The following KCNS3 variants were observed in gnomAD, a reference collection of about 807,000 sequenced individuals.
KCNS3 encodes the protein potassium voltage-gated channel modifier subfamily S member 3.
Under a neutral mutation model 31.0 loss-of-function variants are expected in KCNS3, and 13 were observed. The observed-to-expected ratio is 0.42, with a 90% CI of 0.27 to 0.67. The LOEUF is 0.67. Ranked by LOEUF, KCNS3 falls within the 30% of genes least tolerant of loss-of-function variation. The pLI, the probability that KCNS3 is intolerant of heterozygous loss-of-function variation, is 0.25. For missense variants in KCNS3, 545 were observed against 622.4 expected (o/e 0.88, Z 1.32); for synonymous variants, 238 against 241.5 (o/e 0.99, Z 0.13).
In KCNS3 at chr2:17,932,050, G is replaced by A. The variant is rs1294639750; in HGVS notation, c.1042G>A (p.Asp348Asn). 6.2e-7 allele frequency: 1 copy of A among 1,614,016 alleles called. No individual in the cohort carries two copies. The highest frequency in any genetic ancestry group is 8.5e-7 in the Non-Finnish European group (1 of 1,180,032). Residue 348 changes from aspartate to asparagine, a missense_variant, in exon 3 of 3, where the codon GAT (aspartate) becomes AAT (asparagine). Physicochemically the swap from Asp to Asn is conservative, Grantham distance 23. Coordinates refer to ENST00000304101, the MANE Select transcript of KCNS3 (RefSeq NM_002252.5). ...FSVLIYSVEKDDHTSSLTSIP... is the reference protein window; with the variant it reads ...FSVLIYSVEKNDHTSSLTSIP... ...TGTGCTTATCTACTCCGTGGAGAAA[G>A]ATGACCACACATCCAGCCTCACCAG...
At chr2:17,907,836 G>T (rs1332199813) in intron 1 of KCNS3, among the ~76,000 whole-genome samples, 1 of 152,342 alleles carries the variant, frequency 6.6e-6, no homozygotes, top group South Asian at 2.1e-4. Context: ...TCCGCTGTTA[G>T]TCTGATGGGT....
intron 1 of KCNS3, among the ~76,000 whole-genome samples, chr2:17,897,987 A>T (rs1662070515): frequency 6.6e-6 from 1 of 152,148 alleles, no homozygotes; most frequent in African/African-American, 2.4e-5. Flanking sequence ...CATGGTTATA[A>T]GTAGGGGTTC....
chr2:17,910,874 G>T (rs1662457253), intron 1 of KCNS3, among the ~76,000 whole-genome samples: 1 of 152,120 alleles, frequency 6.6e-6, no homozygotes, highest in Non-Finnish European at 1.5e-5. Context: ...TATTTTAAAA[G>T]AAATAATCTG....
chr2:17,880,940 T>C (rs966733549), intron 1 of KCNS3, among the ~76,000 whole-genome samples: 1 of 152,232 alleles, frequency 6.6e-6, no homozygotes, highest in Non-Finnish European at 1.5e-5. Context: ...TTGGAATGTG[T>C]GTCAGCTTTG....
chr2:17,895,165 G>T (rs898119534), intron 1 of KCNS3, among the ~76,000 whole-genome samples: 3 of 152,084 alleles, frequency 2.0e-5, no homozygotes, highest in Non-Finnish European at 2.9e-5. Flanking sequence ...TGGTCTAGAT[G>T]CTATATAAAC....
chr2:17,891,582 ATTTAGAGCTCCTTTTAGCAGT>A (rs1348079699), intron 1 of KCNS3, among the ~76,000 whole-genome samples: 1 of 152,200 alleles, frequency 6.6e-6, no homozygotes, highest in African/African-American at 2.4e-5. Flanking sequence ...TTGTTTCAAG[ATTTAGAGCTCCTTTTAGCAGT>A]TCTTATAGTG....
chr2:17,879,632 G>C (rs1046561384), intron 1 of KCNS3, among the ~76,000 whole-genome samples: 1 of 152,152 alleles, frequency 6.6e-6, no homozygotes, highest in East Asian at 1.9e-4. Flanking sequence ...GGGCCGCGGC[G>C]AGCCTGGCTG....
intron 1 of KCNS3, among the ~76,000 whole-genome samples, chr2:17,899,423 CATCTATCT>C (rs71950354): frequency 2.6e-5 from 4 of 151,550 alleles, no homozygotes; most frequent in African/African-American, 7.3e-5. Flanking sequence ...TGCTGTCAGT[CATCTATCT>C]ATCTATCATC....
intron 2 of KCNS3, among the ~76,000 whole-genome samples, chr2:17,929,317 G>A (rs1662903955): frequency 6.6e-6 from 1 of 152,176 alleles, no homozygotes; most frequent in Non-Finnish European, 1.5e-5. Context: ...GCATGGCTGG[G>A]GAGGCCTCAG....
At chr2:17,907,903 C>T (rs1033144158) in intron 1 of KCNS3, among the ~76,000 whole-genome samples, 2 of 152,178 alleles carry the variant, frequency 1.3e-5, no homozygotes, top group Non-Finnish European at 2.9e-5. Context: ...TTTTTTCCTT[C>T]ATTTCAACTT....
At chr2:17,889,463 T>C (rs1408273857) in intron 1 of KCNS3, among the ~76,000 whole-genome samples, 1 of 152,198 alleles carries the variant, frequency 6.6e-6, no homozygotes, top group Non-Finnish European at 1.5e-5. Flanking sequence ...TCCACTACTA[T>C]GTTGAAGAGG....
intron 2 of KCNS3, among the ~76,000 whole-genome samples, chr2:17,925,938 G>A (rs894671128): frequency 6.6e-6 from 1 of 152,212 alleles, no homozygotes; most frequent in Non-Finnish European, 1.5e-5. Context: ...GACAAGGCAA[G>A]TCCCTTCTAC....
chr2:17,903,115 G>T (rs1227669771), intron 1 of KCNS3, among the ~76,000 whole-genome samples: 1 of 152,136 alleles, frequency 6.6e-6, no homozygotes, highest in African/African-American at 2.4e-5. Flanking sequence ...AATGCAGTGG[G>T]CAAGAGAGAC....
Position 17,888,626 on chromosome 2 carries a change from AATGTATATATATATATATAT to A in KCNS3, c.-252+9823_-252+9842del, listed in dbSNP as rs1250122313. Among the ~76,000 whole-genome samples, 5 of 47,588 alleles carry A rather than the reference AATGTATATATATATATATAT, an allele frequency of 1.1e-4. No individual in the cohort carries two copies. In the South Asian group the frequency reaches 4.3e-3, roughly 41 times the overall value. 31.2% of individuals were successfully genotyped at this position (47,588 alleles called of 152,430 possible). A position where few individuals can be genotyped will look rare whatever the true frequency, so the allele number is the denominator to read the frequency against. On this transcript the variant is annotated intron_variant, in intron 1 of 2. Transcript: ENST00000304101. ...CTAGAACTTAAAGTATAATAAAAAA[AATGTATATATATATATATAT>A]ATATATATATATATATATATATATA... is the stretch of plus-strand genomic sequence containing the variant.
At position 17,931,107 on chromosome 2, in the gene KCNS3, C is replaced by T; in HGVS notation, c.99C>T (p.Leu33=). 6.2e-7 allele frequency: 1 copy of T among 1,614,200 alleles called. No homozygotes were observed. Among genetic ancestry groups the T allele is most frequent in the South Asian group, 1.1e-5 (1 of 91,088 alleles). Residue 33 remains leucine (L), a synonymous_variant, in exon 3 of 3, where the codon CTC becomes CTT. Transcript: ENST00000304101. This position sits in a 1 kb window ranked among gnomAD's most constrained non-coding sequence, Gnocchi z 5.4. ...GFKQSVDQST[L]LRFPHTRLGK... Reference sequence around the variant, plus strand: ...AGCAGTCTGTTGACCAAAGCACCCTCCTGCGGTTTCCTCACACCAGACTGG... The same window carrying T: ...AGCAGTCTGTTGACCAAAGCACCCTTCTGCGGTTTCCTCACACCAGACTGG...
chr2:17,898,510 G>C (rs1292853114), intron 1 of KCNS3, among the ~76,000 whole-genome samples: 2 of 151,968 alleles, frequency 1.3e-5, no homozygotes, highest in African/African-American at 2.4e-5. Context: ...GCTTCTCTTT[G>C]GTTCTAGGAG....
At position 17,920,855 on chromosome 2, in the gene KCNS3, ACAT is replaced by A. The variant is rs564611817; in HGVS notation, c.-60+2987_-60+2989del. ...TGGCTGACATAATATGCAAATGAGA[ACAT>A]CAGCCAGTCTCTACCTCCTCCCACT... is the stretch of plus-strand genomic sequence containing the variant. On this transcript the variant is annotated intron_variant, in intron 2 of 2. Transcript: ENST00000304101. Among the ~76,000 whole-genome samples the A allele has an allele frequency of 1.7e-3, 253 of 152,330 alleles. 1 individual carries two copies. Among genetic ancestry groups the A allele is most frequent in the Middle Eastern group, 3.4e-3 (1 of 294 alleles).
chr2:17,879,264 C>T (rs1384657718), intron 1 of KCNS3: 5 of 152,222 alleles, frequency 3.3e-5, no homozygotes, highest in South Asian at 2.1e-4. Flanking sequence ...TTCCCTTCCT[C>T]GAGAGGAGGC....
At chr2:17,908,873 G>T (rs573289180) in intron 1 of KCNS3, among the ~76,000 whole-genome samples, 2 of 152,198 alleles carry the variant, frequency 1.3e-5, no homozygotes, top group Non-Finnish European at 2.9e-5. Context: ...TGCCCCTACT[G>T]GGGGGTGCCT....
Sources: allele counts gnomAD v4.1 joint callset (sites outside exome capture counted in the v4.1 genomes callset), GRCh38; gene constraint gnomAD v4.1.1; non-coding constraint Gnocchi (gnomAD v3.1); transcripts MANE v1.5; gene names NCBI Gene and HGNC (gene_info 2026-07-23, HGNC 2026-07-21).